The following TSHR variants were observed in gnomAD, a reference collection of about 807,000 sequenced individuals.
TSHR encodes thyroid stimulating hormone receptor, also known as thyrotropin receptor.
Under a neutral mutation model 64.1 loss-of-function variants are expected in TSHR, and 51 were observed. The observed-to-expected ratio is 0.80, with a 90% CI of 0.64 to 1.01. The LOEUF is 1.01. Among genes scored for constraint, TSHR ranks in the 50% least tolerant of loss-of-function variants. The pLI is 0.00. For synonymous variants in TSHR, 361 were observed against 361.9 expected, an observed-to-expected ratio of 1.00 and a Z score of 0.03; for missense variants, 877 against 942.8, an observed-to-expected ratio of 0.93 and a Z score of 0.91.
intron 1 of TSHR, among the ~76,000 whole-genome samples, chr14:81,000,632 G>A (rs1268393653): frequency 1.3e-5 from 2 of 151,982 alleles, no homozygotes; most frequent in Admixed American, 1.3e-4. Flanking sequence ...TTCCCTCCAC[G>A]TCAGCCTGAT....
intron 1 of TSHR, among the ~76,000 whole-genome samples, chr14:81,025,355 A>T (rs968910360): frequency 2.0e-5 from 3 of 152,158 alleles, no homozygotes; most frequent in Non-Finnish European, 4.4e-5. Flanking sequence ...AGGATTCAAT[A>T]TGTTTATTTT....
At chr14:81,029,192 A>G (rs1406252464) in intron 1 of TSHR, among the ~76,000 whole-genome samples, 1 of 152,084 alleles carries the variant, frequency 6.6e-6, no homozygotes, top group African/African-American at 2.4e-5. Context: ...CCCTTTTCCC[A>G]TGTAAAATTT....
intron 8 of TSHR, among the ~76,000 whole-genome samples, chr14:81,113,196 T>C (rs1890305894): frequency 1.3e-5 from 2 of 152,140 alleles, no homozygotes; most frequent in Admixed American, 1.3e-4. Context: ...ACAGCAGCAG[T>C]AGAGATGATG....
chr14:80,979,140 C>T (rs924621396), intron 1 of TSHR, among the ~76,000 whole-genome samples: 4 of 152,246 alleles, frequency 2.6e-5, no homozygotes, highest in African/African-American at 9.6e-5. Flanking sequence ...ACAGCATAGT[C>T]ATCTGCAACA....
chr14:81,056,788 G>C (rs2139880395), intron 1 of TSHR, among the ~76,000 whole-genome samples: 1 of 152,170 alleles, frequency 6.6e-6, no homozygotes, highest in African/African-American at 2.4e-5. Context: ...TTGGATTCTG[G>C]CCAGTATGCC....
chr14:81,128,133 T>A (rs1423897020), intron 8 of TSHR, among the ~76,000 whole-genome samples: 1 of 152,248 alleles, frequency 6.6e-6, no homozygotes, highest in East Asian at 1.9e-4. Flanking sequence ...ACACATAGAC[T>A]TTAAGAAAAG....
At chr14:81,114,483 A>G (rs1890388752) in intron 8 of TSHR, among the ~76,000 whole-genome samples, 1 of 152,160 alleles carries the variant, frequency 6.6e-6, no homozygotes, top group Non-Finnish European at 1.5e-5. Flanking sequence ...GGCTTAAAAA[A>G]CGGCGCACCA....
intron 5 of TSHR, 73 bp downstream of exon 5, chr14:81,091,216 G>T (rs978915944): frequency 3.7e-6 from 5 of 1,349,292 alleles, no homozygotes; most frequent in Non-Finnish European, 5.3e-6. Flanking sequence ...CAGTCATGAG[G>T]GTAGGTTGAA....
intron 1 of TSHR, among the ~76,000 whole-genome samples, chr14:81,018,026 T>C (rs534598909): frequency 2.6e-5 from 4 of 152,230 alleles, no homozygotes; most frequent in South Asian, 2.1e-4. Flanking sequence ...AGATGAGGTT[T>C]CATCATGTTG....
chr14:81,028,477 G>T lies in TSHR; in HGVS notation c.171-33671G>T, dbSNP rs183628619. ...AAAAATCTATCAAGAAAGGATCTCT[G>T]ATAAACCCCCTACATTGAGTTGGGA... On this transcript the variant is annotated intron_variant, in intron 1 of 9. Coordinates refer to ENST00000298171, the MANE Select transcript of TSHR (RefSeq NM_000369.5). 4.4e-3 allele frequency among the ~76,000 whole-genome samples: 666 copies of T among 152,160 alleles called. 8 individuals are homozygous for T. Among genetic ancestry groups the T allele is most frequent in the African/African-American group, 0.015 (642 of 41,526 alleles).
intron 1 of TSHR, among the ~76,000 whole-genome samples, chr14:81,027,050 AAAG>A (rs1884099603): frequency 1.3e-5 from 2 of 151,794 alleles, no homozygotes; most frequent in Non-Finnish European, 2.9e-5. Flanking sequence ...AAAAAAAAAA[AAAG>A]AAAGGCCTTA....
intron 1 of TSHR, among the ~76,000 whole-genome samples, chr14:81,006,519 A>G (rs111751735): frequency 0.11 from 16,085 of 146,490 alleles, 2,767 homozygotes; most frequent in African/African-American, 0.37. Context: ...AATATAGTCA[A>G]TTTTTTTTTT....
At chr14:81,018,300 T>C (rs945057014) in intron 1 of TSHR, among the ~76,000 whole-genome samples, 2 of 152,226 alleles carry the variant, frequency 1.3e-5, no homozygotes, top group African/African-American at 4.8e-5. Flanking sequence ...CTGAATACTT[T>C]CACTTCACTT....
chr14:81,002,781 C>CTTTTTTTTTTT (rs1174635270), intron 1 of TSHR, among the ~76,000 whole-genome samples: 15 of 44,308 alleles, frequency 3.4e-4, no homozygotes, highest in African/African-American at 5.9e-4. Context: ...CCTAATGCCT[C>CTTTTTTTTTTT]TTTTTTTTTT....
intron 3 of TSHR, among the ~76,000 whole-genome samples, chr14:81,085,252 G>T (rs1353904816): frequency 1.3e-5 from 2 of 151,968 alleles, no homozygotes; most frequent in Non-Finnish European, 2.9e-5. Context: ...GTGCTTACAG[G>T]CATGCGCCAC....
chr14:80,983,674 C>A, intron 1 of TSHR: 1 of 665,344 alleles, frequency 1.5e-6, no homozygotes, highest in Non-Finnish European at 2.5e-6. Context: ...GAACCATCTC[C>A]AAACTCTAGC....
At chr14:81,039,676 T>TA (rs761508444) in intron 1 of TSHR, among the ~76,000 whole-genome samples, 4 of 151,606 alleles carry the variant, frequency 2.6e-5, no homozygotes, top group Admixed American at 6.6e-5. Flanking sequence ...TATGTGCCAA[T>TA]AAAAAACTAT....
intron 3 of TSHR, among the ~76,000 whole-genome samples, chr14:81,086,508 A>G (rs574814730): frequency 6.6e-6 from 1 of 152,364 alleles, no homozygotes; most frequent in East Asian, 1.9e-4. Context: ...TATGAAAATA[A>G]CAATAATAAA....
chr14:81,091,220 G>A (rs1313613607), intron 5 of TSHR, 77 bp downstream of exon 5: 1 of 1,302,930 alleles, frequency 7.7e-7, no homozygotes, highest in South Asian at 1.2e-5. Flanking sequence ...CATGAGGGTA[G>A]GTTGAAGATA....
Sources: allele counts gnomAD v4.1 joint callset (sites outside exome capture counted in the v4.1 genomes callset), GRCh38; gene constraint gnomAD v4.1.1; transcripts MANE v1.5; gene names NCBI Gene and HGNC (gene_info 2026-07-23, HGNC 2026-07-21).